AK5: variants seen among roughly 807,000 people sequenced by gnomAD.
AK5 encodes adenylate kinase isoenzyme 5.
In AK5, 27 loss-of-function variants were observed where a neutral mutation model predicts 69.5. The ratio of observed to expected loss-of-function variants is 0.39; its 90% CI spans 0.29 to 0.54. AK5 has a LOEUF of 0.54. AK5 is among the 20% of genes least tolerant of loss of function. The pLI, the probability that AK5 is intolerant of heterozygous loss-of-function variation, is 0.71. For missense variants in AK5, 531 were observed against 700.4 expected, an observed-to-expected ratio of 0.76 and a Z score of 2.73; for synonymous variants, 260 against 244.4, an observed-to-expected ratio of 1.06 and a Z score of -0.60.
intron 5 of AK5, among the ~76,000 whole-genome samples, chr1:77,303,078 A>G (rs538207421): frequency 6.6e-6 from 1 of 152,338 alleles, no homozygotes; most frequent in East Asian, 1.9e-4. Context: ...CTATAATAGA[A>G]AGACACAATG....
At chr1:77,433,897 G>C (rs1420199584) in intron 8 of AK5, among the ~76,000 whole-genome samples, 1 of 151,216 alleles carries the variant, frequency 6.6e-6, no homozygotes, top group East Asian at 1.9e-4. Flanking sequence ...TTTTTATTTA[G>C]TACATAATTT....
At chr1:77,385,237 GC>G (rs1354364441) in intron 6 of AK5, among the ~76,000 whole-genome samples, 14 of 152,084 alleles carry the variant, frequency 9.2e-5, no homozygotes, top group African/African-American at 3.4e-4. Flanking sequence ...TCGGCTCACT[GC>G]AAGCTCCGCC....
At chr1:77,464,274 G>A (rs1235707179) in intron 8 of AK5, among the ~76,000 whole-genome samples, 2 of 152,162 alleles carry the variant, frequency 1.3e-5, no homozygotes, top group African/African-American at 4.8e-5. Context: ...TGAATGCCAG[G>A]TTCCACACAG....
chr1:77,284,495 T>C (rs1234891478), intron 1 of AK5, among the ~76,000 whole-genome samples: 3 of 152,248 alleles, frequency 2.0e-5, no homozygotes, highest in African/African-American at 7.2e-5. Context: ...GATTTTTTCC[T>C]AATTTGAGAC....
At chr1:77,472,630 C>T (rs1654586964) in intron 8 of AK5, among the ~76,000 whole-genome samples, 1 of 151,950 alleles carries the variant, frequency 6.6e-6, no homozygotes, top group African/African-American at 2.4e-5. Flanking sequence ...TGCCTGTAAT[C>T]CCAGGACTTT....
At chr1:77,329,187 C>T (rs1570388828) in intron 5 of AK5, among the ~76,000 whole-genome samples, 1 of 143,116 alleles carries the variant, frequency 7.0e-6, no homozygotes, top group African/African-American at 2.6e-5. Context: ...TAGTTGTCTC[C>T]CTCAGTGAAA....
chr1:77,358,018 T>TGTGTGTGTGTGTGTGTGTGTGTGTGTGA lies in AK5; in HGVS notation c.891+17451_891+17452insTGTGTGTGTGTGTGTGTGTGTGTGTGAG, dbSNP rs762714026. Among the ~76,000 whole-genome samples the TGTGTGTGTGTGTGTGTGTGTGTGTGTGA allele has an allele frequency of 9.3e-3, 1,195 of 128,162 alleles. 16 individuals are homozygous for TGTGTGTGTGTGTGTGTGTGTGTGTGTGA. The highest frequency in any genetic ancestry group is 0.023 in the Middle Eastern group (6 of 264). 84.1% of individuals were successfully genotyped at this position (128,162 alleles called of 152,430 possible). On this transcript the variant is annotated intron_variant, in intron 6 of 13. Coordinates refer to ENST00000354567, the MANE Select transcript of AK5 (RefSeq NM_174858.3). ...GTGTGTGTGTGTGTGTGTGTGTGTG[T>TGTGTGTGTGTGTGTGTGTGTGTGTGTGA]GAGAGAGAGAGAGAGAGAGAGACAG...
Position 77,536,052 on chromosome 1 carries a change from C to G in AK5, c.1620+14C>G, listed in dbSNP as rs772060688. Reference sequence around the variant, plus strand: ...CAGCTACACAAGGCGAGTCACTTCACTTTCTCCTCTGAAATGAGCCGCTTA... The same window carrying G: ...CAGCTACACAAGGCGAGTCACTTCAGTTTCTCCTCTGAAATGAGCCGCTTA... On this transcript the variant is annotated intron_variant, in intron 13 of 13. Coordinates refer to ENST00000354567, the MANE Select transcript of AK5 (RefSeq NM_174858.3). 2.5e-6 allele frequency: 4 copies of G among 1,596,030 alleles called. No individual in the cohort carries two copies. The highest frequency in any genetic ancestry group is 3.7e-5 in the Admixed American group (2 of 54,332).
At chr1:77,551,080 G>A (rs1659800367) in intron 13 of AK5, among the ~76,000 whole-genome samples, 2 of 152,204 alleles carry the variant, frequency 1.3e-5, no homozygotes, top group Admixed American at 6.5e-5. Context: ...GGGAGGCTGA[G>A]GCAGAAGAAT....
chr1:77,312,952 T>C (rs969850313), intron 5 of AK5, among the ~76,000 whole-genome samples: 13 of 152,112 alleles, frequency 8.5e-5, no homozygotes, highest in African/African-American at 3.1e-4. Flanking sequence ...TCCTTCATAA[T>C]GATGCTGGCT....
At chr1:77,330,947 CTT>C (rs938847351) in intron 5 of AK5, among the ~76,000 whole-genome samples, 2 of 151,952 alleles carry the variant, frequency 1.3e-5, no homozygotes, top group African/African-American at 2.4e-5. Flanking sequence ...AATTAAATGA[CTT>C]TTTAAAATTT....
chr1:77,509,188 G>A (rs1467665842), intron 10 of AK5, among the ~76,000 whole-genome samples: 1 of 152,072 alleles, frequency 6.6e-6, no homozygotes, highest in Non-Finnish European at 1.5e-5. Context: ...TACTATACAC[G>A]GGCACTGATA....
intron 12 of AK5, among the ~76,000 whole-genome samples, chr1:77,527,770 G>A (rs1197352314): frequency 2.0e-5 from 3 of 152,150 alleles, no homozygotes; most frequent in African/African-American, 7.2e-5. Context: ...CTTTAAACCT[G>A]ACCAGATGGC....
chr1:77,472,605 G>A lies in AK5; in HGVS notation c.1060-10712G>A, dbSNP rs772080844. Among the ~76,000 whole-genome samples the A allele has an allele frequency of 5.3e-5, 8 of 152,074 alleles. No individual in the cohort carries two copies. The South Asian group carries it at 6.3e-4, about 12-fold the overall frequency. On this transcript the variant is annotated intron_variant, in intron 8 of 13. Transcript: ENST00000354567. ...AAAAGAAGAGGAGGGAGGGAGGGCCGGGCACAGTGGCTCATGCCTGTAATC... is the reference window on the plus strand; with the variant it reads ...AAAAGAAGAGGAGGGAGGGAGGGCCAGGCACAGTGGCTCATGCCTGTAATC...
chr1:77,510,602 G>A lies in AK5; in HGVS notation c.1148-7962G>A, dbSNP rs17100654. ...GGTAGAAATATTTTCATTTGGACTA[G>A]GGAGAACCGAGCTGATGTTATACAG... On this transcript the variant is annotated intron_variant, in intron 10 of 13. Coordinates refer to ENST00000354567, the MANE Select transcript of AK5 (RefSeq NM_174858.3). Among the ~76,000 whole-genome samples, 562 of 152,226 alleles carry A rather than the reference G, an allele frequency of 3.7e-3. 2 individuals carry two copies. Among genetic ancestry groups the A allele is most frequent in the African/African-American group, 0.013 (549 of 41,554 alleles).
At chr1:77,478,832 G>A (rs1300149774) in intron 8 of AK5, among the ~76,000 whole-genome samples, 1 of 152,094 alleles carries the variant, frequency 6.6e-6, no homozygotes, top group African/African-American at 2.4e-5. Flanking sequence ...AGGTGGTGAT[G>A]ATAGGCACCC....
intron 10 of AK5, among the ~76,000 whole-genome samples, chr1:77,502,962 C>T (rs973695117): frequency 6.6e-6 from 1 of 152,228 alleles, no homozygotes; most frequent in Non-Finnish European, 1.5e-5. Context: ...GTAGAAGACG[C>T]TGGCTGCATC....
At chr1:77,361,739 AAG>A (rs1236344670) in intron 6 of AK5, among the ~76,000 whole-genome samples, 2 of 152,200 alleles carry the variant, frequency 1.3e-5, no homozygotes, top group Non-Finnish European at 2.9e-5. Context: ...ACAGCAAGCA[AAG>A]AGAGCTTGTG....
chr1:77,302,737 G>A (rs1327653623), intron 5 of AK5, among the ~76,000 whole-genome samples: 3 of 152,108 alleles, frequency 2.0e-5, no homozygotes, highest in East Asian at 3.9e-4. Flanking sequence ...ATATCTGCTC[G>A]CAAAGCAGTC....
Sources: allele counts gnomAD v4.1 joint callset (sites outside exome capture counted in the v4.1 genomes callset), GRCh38; gene constraint gnomAD v4.1.1; transcripts MANE v1.5; gene names NCBI Gene and HGNC (gene_info 2026-07-23, HGNC 2026-07-21).